Variants in UNC5D observed in about 807,000 individuals in gnomAD.
UNC5D encodes the protein unc-5 netrin receptor D.
A neutral mutation model predicts 105.4 loss-of-function variants in UNC5D; 39 were observed. The observed-to-expected ratio is 0.37, with a 90% CI of 0.29 to 0.48. The LOEUF is 0.48. UNC5D is among the 20% of genes least tolerant of loss of function. The pLI is 0.98. For synonymous variants in UNC5D, 452 were observed against 450.4 expected (o/e 1.00, Z -0.04); for missense variants, 991 against 1,202.4 (o/e 0.82, Z 2.60).
intron 1 of UNC5D, among the ~76,000 whole-genome samples, chr8:35,466,721 A>G (rs1000167954): frequency 1.3e-4 from 20 of 152,192 alleles, no homozygotes; most frequent in Non-Finnish European, 2.5e-4. Flanking sequence ...AGATTTTTTC[A>G]TATTTTATGT....
chr8:35,788,069 C>T (rs1353996872), intron 16 of UNC5D, among the ~76,000 whole-genome samples: 1 of 152,082 alleles, frequency 6.6e-6, no homozygotes, highest in Non-Finnish European at 1.5e-5. Context: ...TTCTATTTCA[C>T]AATTAAAGAT....
chr8:35,610,632 G>C (rs1168574542), intron 4 of UNC5D, among the ~76,000 whole-genome samples: 1 of 151,992 alleles, frequency 6.6e-6, no homozygotes, highest in Non-Finnish European at 1.5e-5. Context: ...AGGCCATGTA[G>C]AAGAAAAAGG....
chr8:35,436,025 TTAAA>T (rs1335785474), intron 1 of UNC5D, among the ~76,000 whole-genome samples: 4 of 152,232 alleles, frequency 2.6e-5, no homozygotes, highest in African/African-American at 4.8e-5. Context: ...AAAGTGATTC[TTAAA>T]TATTTATACT....
chr8:35,782,872 A>G (rs1241676282), intron 16 of UNC5D, among the ~76,000 whole-genome samples: 1 of 152,196 alleles, frequency 6.6e-6, no homozygotes. Context: ...GGTAGCTCAC[A>G]TCTATAGTCC....
At chr8:35,595,025 T>C (rs1819400978) in intron 3 of UNC5D, among the ~76,000 whole-genome samples, 1 of 152,192 alleles carries the variant, frequency 6.6e-6, no homozygotes. Flanking sequence ...TTTGTTGTGG[T>C]TGAATGTTGC....
intron 16 of UNC5D, among the ~76,000 whole-genome samples, chr8:35,783,982 T>C (rs1802625271): frequency 6.6e-6 from 1 of 152,168 alleles, no homozygotes; most frequent in Admixed American, 6.5e-5. Flanking sequence ...AAATTAAGAT[T>C]CTATAAAAAA....
intron 7 of UNC5D, among the ~76,000 whole-genome samples, chr8:35,689,351 A>T (rs1238308363): frequency 1.3e-5 from 2 of 152,216 alleles, no homozygotes; most frequent in Non-Finnish European, 2.9e-5. Flanking sequence ...GAAAGAACTT[A>T]ATCAGCACTG....
chr8:35,711,842 C>T (rs1827986057), intron 8 of UNC5D, among the ~76,000 whole-genome samples: 1 of 152,180 alleles, frequency 6.6e-6, no homozygotes, highest in African/African-American at 2.4e-5. Context: ...TAGACATAGT[C>T]CCTGCCATCT....
At chr8:35,683,510 T>G in intron 4 of UNC5D, 37 bp from the exon 5 acceptor site, 1 of 1,539,094 alleles carries the variant, frequency 6.5e-7, no homozygotes, top group Non-Finnish European at 8.7e-7. Context: ...AGTTCTGATT[T>G]TTTTAGTGAC....
chr8:35,684,854 G>C, intron 6 of UNC5D, 105 bp downstream of exon 6: 1 of 1,391,602 alleles, frequency 7.2e-7, no homozygotes, highest in South Asian at 1.7e-5. Flanking sequence ...CCTCTCCCAA[G>C]TTCTTAGAAT....
chr8:35,697,305 A>G (rs1826855632), intron 7 of UNC5D, among the ~76,000 whole-genome samples: 1 of 150,500 alleles, frequency 6.6e-6, no homozygotes, highest in Non-Finnish European at 1.5e-5. Flanking sequence ...TGAAAATAAC[A>G]CCACTGACAT....
At chr8:35,709,173 T>C (rs895508360) in intron 8 of UNC5D, among the ~76,000 whole-genome samples, 2 of 151,894 alleles carry the variant, frequency 1.3e-5, no homozygotes, top group African/African-American at 2.4e-5. Context: ...GACCTTATGC[T>C]AGGAGGTGTT....
chr8:35,309,661 C>A (rs915915012), intron 1 of UNC5D, among the ~76,000 whole-genome samples: 4 of 152,200 alleles, frequency 2.6e-5, no homozygotes, highest in Admixed American at 2.6e-4. Context: ...TCCTATGAAC[C>A]ATTTCTCTCA....
At chr8:35,620,364 G>A (rs1821290858) in intron 4 of UNC5D, among the ~76,000 whole-genome samples, 1 of 152,142 alleles carries the variant, frequency 6.6e-6, no homozygotes, top group Non-Finnish European at 1.5e-5. Context: ...TGTCATCATT[G>A]TCTCCATGAG....
chr8:35,249,033 A>AT (rs1803484388), intron 1 of UNC5D, among the ~76,000 whole-genome samples: 1 of 23,654 alleles, frequency 4.2e-5, no homozygotes, highest in African/African-American at 6.9e-5. Context: ...ATGTTTATAT[A>AT]ATATATATTA....
intron 4 of UNC5D, 31 bp from the exon 5 acceptor site, chr8:35,683,516 G>A: frequency 6.5e-7 from 1 of 1,539,430 alleles, no homozygotes. Context: ...GATTTTTTTA[G>A]TGACTTGTAA....
intron 4 of UNC5D, among the ~76,000 whole-genome samples, chr8:35,630,228 G>T (rs2958253): frequency 0.095 from 14,448 of 152,178 alleles, 707 homozygotes; most frequent in Non-Finnish European, 0.1. Context: ...TGTTGGCAAA[G>T]GTTATATTTC....
At chr8:35,385,482 T>G (rs1803328610) in intron 1 of UNC5D, among the ~76,000 whole-genome samples, 2 of 121,186 alleles carry the variant, frequency 1.7e-5, no homozygotes, top group African/African-American at 7.3e-5. Context: ...TTTTTTTTTT[T>G]TGTGACAGAG....
In UNC5D at chr8:35,251,424, G is replaced by A. The variant is rs145914924; in HGVS notation, c.103+15537G>A. On this transcript the variant is annotated intron_variant, in intron 1 of 16. Coordinates refer to ENST00000404895, the MANE Select transcript of UNC5D (RefSeq NM_080872.4). ...CCACCGGATCCCTCCCACAACACGT[G>A]GGGATTATGGGAACTACAATTCAAG... Among the ~76,000 whole-genome samples the A allele has an allele frequency of 4.7e-3, 709 of 152,266 alleles. 4 individuals are homozygous for A. Among genetic ancestry groups the A allele is most frequent in the Middle Eastern group, 0.02 (6 of 294 alleles).
Sources: allele counts gnomAD v4.1 joint callset (sites outside exome capture counted in the v4.1 genomes callset), GRCh38; gene constraint gnomAD v4.1.1; transcripts MANE v1.5; gene names NCBI Gene and HGNC (gene_info 2026-07-23, HGNC 2026-07-21).